Variants in ADH1B observed in about 807,000 individuals in gnomAD.
ADH1B encodes the protein alcohol dehydrogenase 1B (class I), beta polypeptide.
A neutral mutation model predicts 34.6 loss-of-function variants in ADH1B; 29 were observed. The observed-to-expected ratio is 0.84, with a 90% CI of 0.62 to 1.14. The LOEUF (loss-of-function observed/expected upper bound fraction) is 1.14, where lower values mean the gene tolerates loss of function less well. Among genes scored for constraint, ADH1B ranks in the 50% most tolerant of loss-of-function variants. ADH1B has a pLI of 0.00. For synonymous variants in ADH1B, 170 were observed against 175.5 expected, an observed-to-expected ratio of 0.97 and a Z score of 0.25; for missense variants, 424 against 468.4, an observed-to-expected ratio of 0.91 and a Z score of 0.87.
chr4:99,316,638 T>C (rs1733892498), intron 3 of ADH1B: 1 of 172,918 alleles, frequency 5.8e-6, no homozygotes, highest in African/African-American at 2.4e-5. Context: ...CTTTAACTAA[T>C]TAAATCTTAA....
Position 99,315,961 on chromosome 4 carries a change from C to T in ADH1B, c.504G>A (p.Glu168=). 1.2e-6 allele frequency: 2 copies of T among 1,614,208 alleles called. No homozygotes were observed. The highest frequency in any genetic ancestry group is 1.7e-6 in the Non-Finnish European group (2 of 1,180,030). The part of the protein sequence containing the change: ...VAKIDAASPL[E]KVCLIGCGFS... ...ATCCACAGCCAATGAGGCAGACTTT[C>T]TCCAGGGGCGAGGCTGCATCAATTT... is the stretch of plus-strand genomic sequence containing the variant. The change falls in exon 5 of 9, where the codon GAG becomes GAA. Residue 168 remains glutamate, a synonymous_variant. Transcript: ENST00000305046.
At chr4:99,312,079 T>A (rs1733768445) in intron 6 of ADH1B, among the ~76,000 whole-genome samples, 1 of 152,170 alleles carries the variant, frequency 6.6e-6, no homozygotes, top group South Asian at 2.1e-4. Flanking sequence ...CCTCCCCAAA[T>A]ATATATTGAT....
At chr4:99,318,704 T>G in intron 2 of ADH1B, 81 bp downstream of exon 2, 1 of 1,337,974 alleles carries the variant, frequency 7.5e-7, no homozygotes, top group Non-Finnish European at 1.0e-6. Flanking sequence ...TGCCTCTTAG[T>G]GGATTTTTGG....
chr4:99,312,579 C>T (rs1733781150), intron 6 of ADH1B, among the ~76,000 whole-genome samples: 1 of 152,140 alleles, frequency 6.6e-6, no homozygotes, highest in Admixed American at 6.6e-5. Context: ...TGAAATATAG[C>T]TAGAGATGTG....
At position 99,306,691 on chromosome 4, in the gene ADH1B, G is replaced by A. The variant is rs1431682001; in HGVS notation, c.*1149C>T. On this transcript the variant is annotated 3_prime_UTR_variant, in exon 9 of 9. Coordinates refer to ENST00000305046, the MANE Select transcript of ADH1B (RefSeq NM_000668.6). ...AGAGTGGGAAAGCATTAACAAATGA[G>A]AGTGGGAAAAGCATTAACAAAGCAT... 2 of 152,156 alleles carry A rather than the reference G, an allele frequency of 1.3e-5. No homozygotes were observed. The highest frequency in any genetic ancestry group is 4.8e-5 in the African/African-American group (2 of 41,434). The allele number at this position is 152,156 out of a possible 1,614,324, so 9.4% of individuals were successfully genotyped here. A position where few individuals can be genotyped will look rare whatever the true frequency, so the allele number is the denominator to read the frequency against.
chr4:99,319,030 A>G (rs1733957174), intron 1 of ADH1B, 144 bp from the exon 2 acceptor site: 1 of 891,224 alleles, frequency 1.1e-6, no homozygotes, highest in Admixed American at 1.7e-5. Context: ...ACTCTGGTTT[A>G]TAAAGAGAAT....
chr4:99,315,752 A>C, intron 5 of ADH1B, 146 bp downstream of exon 5: 1,067 of 694,476 alleles, frequency 1.5e-3, no homozygotes, highest in Non-Finnish European at 2.2e-3. Flanking sequence ...TAGCATGTGT[A>C]CTCAATTCTT....
At position 99,313,863 on chromosome 4, in the gene ADH1B, A is replaced by G. The variant is rs1318353864; in HGVS notation, c.786T>C (p.Gly262=). The G allele has an allele frequency of 4.3e-6, 7 of 1,613,820 alleles. No individual in the cohort carries two copies. The highest frequency in any genetic ancestry group is 5.9e-6 in the Non-Finnish European group (7 of 1,179,896). ...CGATGACTTCAAACGAAAAATCCAC[A>G]CCTCCATCAGTCATTTCCTTTAGCA... ...QEVLKEMTDG[G]VDFSFEVIGR... The change falls in exon 6 of 9, where the codon GGT becomes GGC. Residue 262 remains glycine, a synonymous_variant. Transcript: ENST00000305046.
intron 8 of ADH1B, among the ~76,000 whole-genome samples, chr4:99,309,323 T>A (rs1242389964): frequency 6.6e-6 from 1 of 152,192 alleles, no homozygotes; most frequent in African/African-American, 2.4e-5. Context: ...CAAAAGTATG[T>A]ATCAATTACT....
In ADH1B at chr4:99,317,957, T is replaced by C. The variant is rs879040954; in HGVS notation, c.259+89A>G. The C allele has an allele frequency of 1.9e-6, 3 of 1,568,394 alleles. No individual in the cohort carries two copies. In the South Asian group the frequency reaches 3.6e-5, roughly 19 times the overall value. On this transcript the variant is annotated intron_variant, in intron 3 of 8. Coordinates refer to ENST00000305046, the MANE Select transcript of ADH1B (RefSeq NM_000668.6). The stretch of plus-strand genomic sequence containing the variant: ...CTGCGCGGTGACCTTGTGCAAGCAC[T>C]TTCGTCTCTCATTGCCTTGGTTTCC...
At chr4:99,311,722 A>T in intron 6 of ADH1B, 66 bp from the exon 7 acceptor site, 1 of 1,578,806 alleles carries the variant, frequency 6.3e-7, no homozygotes, top group South Asian at 1.2e-5. Context: ...ATAATGCACA[A>T]TATCATGTAA....
At chr4:99,317,938 G>A (rs757400221) in intron 3 of ADH1B, 108 bp downstream of exon 3, 17 of 1,535,342 alleles carry the variant, frequency 1.1e-5, no homozygotes, top group East Asian at 2.3e-5. Flanking sequence ...CTGGCTGCGC[G>A]GTGACCTTGT....
chr4:99,315,783 A>T (rs755281482), intron 5 of ADH1B, 115 bp downstream of exon 5: 4 of 1,335,060 alleles, frequency 3.0e-6, no homozygotes, highest in Middle Eastern at 1.9e-4. Context: ...TTTTCTACTC[A>T]TAATCGACAC....
intron 3 of ADH1B, 187 bp from the exon 4 acceptor site, chr4:99,316,489 G>A: frequency 1.4e-6 from 1 of 700,428 alleles, no homozygotes; most frequent in East Asian, 2.8e-5. Context: ...GTTTATAAGT[G>A]CCTGAGGATT....
chr4:99,317,292 G>A (rs532114317), intron 3 of ADH1B: 1 of 152,210 alleles, frequency 6.6e-6, no homozygotes, highest in Non-Finnish European at 1.5e-5. Context: ...ATGTGAAAAT[G>A]ATGGTATGGC....
At chr4:99,318,319 T>G (rs1733940209) in intron 2 of ADH1B, 135 bp from the exon 3 acceptor site, 1 of 1,190,896 alleles carries the variant, frequency 8.4e-7, no homozygotes, top group Admixed American at 2.4e-5. Flanking sequence ...TTCCTAAATA[T>G]GAAAGATTCA....
chr4:99,319,771 C>G (rs529417308), intron 1 of ADH1B: 1 of 152,128 alleles, frequency 6.6e-6, no homozygotes, highest in South Asian at 2.1e-4. Context: ...TTCGCAGAGC[C>G]CTTTCTAGAA....
At chr4:99,321,151 C>A (rs541789602) in intron 1 of ADH1B, among the ~76,000 whole-genome samples, 163 bp downstream of exon 1, 1 of 152,216 alleles carries the variant, frequency 6.6e-6, no homozygotes, top group South Asian at 2.1e-4. Context: ...ATTTCCACTG[C>A]AGTTCAGTAT....
chr4:99,310,463 GT>G, intron 8 of ADH1B: 1 of 358,388 alleles, frequency 2.8e-6, no homozygotes. Flanking sequence ...ATAGACTTTT[GT>G]TTTTTTGTGG....
Sources: allele counts gnomAD v4.1 joint callset (sites outside exome capture counted in the v4.1 genomes callset), GRCh38; gene constraint gnomAD v4.1.1; transcripts MANE v1.5; gene names NCBI Gene and HGNC (gene_info 2026-07-23, HGNC 2026-07-21).